TUT4: variants seen among roughly 807,000 people sequenced by gnomAD.
TUT4 encodes terminal uridylyltransferase 4.
TUT4 carries 36 observed loss-of-function variants against 192.2 expected under a neutral mutation model. That is an observed-to-expected ratio of 0.19 (90% confidence interval 0.14 to 0.25). The LOEUF is 0.25. Ranked by LOEUF, TUT4 falls within the 10% of genes least tolerant of loss-of-function variation. The pLI, the probability that TUT4 is intolerant of heterozygous loss-of-function variation, is 1.00. For synonymous variants in TUT4, 618 were observed against 666.0 expected (o/e 0.93, Z 1.11); for missense variants, 1,493 against 1,957.2 (o/e 0.76, Z 4.47).
At chr1:52,539,780 G>A (rs1012037471) in intron 1 of TUT4, among the ~76,000 whole-genome samples, 6 of 151,694 alleles carry the variant, frequency 4.0e-5, no homozygotes, top group Non-Finnish European at 5.9e-5. Flanking sequence ...GGTGGCTCAC[G>A]TCTATAATCC....
intron 24 of TUT4, among the ~76,000 whole-genome samples, chr1:52,441,444 ATTT>A (rs557710242): frequency 1.0e-4 from 12 of 119,962 alleles, no homozygotes; most frequent in African/African-American, 1.1e-4. Flanking sequence ...TCTCGGCTAA[ATTT>A]TTTTTTTTTT....
In TUT4 at chr1:52,502,608, TC is replaced by T. The variant is rs1674449079; in HGVS notation, c.1000-5426del. Among the ~76,000 whole-genome samples, 4 of 109,316 alleles carry T rather than the reference TC, an allele frequency of 3.7e-5. No individual in the cohort carries two copies. The South Asian group carries it at 1.1e-3, about 29-fold the overall frequency. 71.7% of individuals were successfully genotyped at this position (109,316 alleles called of 152,430 possible). On this transcript the variant is annotated intron_variant, in intron 4 of 29. Transcript: ENST00000257177. ...TTCATTAAGTAAGCCCTCTTAGCCCTCTTTTTTTTTTTTTTTTTTTTTTTGA... is the reference window on the plus strand; with the variant it reads ...TTCATTAAGTAAGCCCTCTTAGCCCTTTTTTTTTTTTTTTTTTTTTTTTGA...
intron 20 of TUT4, among the ~76,000 whole-genome samples, chr1:52,451,975 T>C (rs78599257): frequency 0.036 from 5,474 of 152,010 alleles, 130 homozygotes; most frequent in Non-Finnish European, 0.051. Flanking sequence ...TAGGCCTAGA[T>C]GGGTACACTG....
intron 6 of TUT4, among the ~76,000 whole-genome samples, chr1:52,494,467 G>A (rs755803820): frequency 7.9e-5 from 12 of 152,114 alleles, no homozygotes; most frequent in South Asian, 2.1e-4. Flanking sequence ...CGAGGCAGGC[G>A]GATCACCTGA....
intron 1 of TUT4, among the ~76,000 whole-genome samples, chr1:52,530,258 C>CAAA (rs11365992): frequency 2.1e-5 from 2 of 93,296 alleles, no homozygotes; most frequent in Admixed American, 1.1e-4. Flanking sequence ...GACTCCATCT[C>CAAA]AAAAAAAAAA....
At chr1:52,444,521 A>C (rs948757549) in intron 24 of TUT4, among the ~76,000 whole-genome samples, 15 of 151,958 alleles carry the variant, frequency 9.9e-5, no homozygotes, top group African/African-American at 2.9e-4. Context: ...TGTGATGGTT[A>C]ATACTGAATG....
chr1:52,544,846 C>G (rs1687652845), intron 1 of TUT4, among the ~76,000 whole-genome samples: 1 of 151,984 alleles, frequency 6.6e-6, no homozygotes, highest in African/African-American at 2.4e-5. Context: ...CACTTGAGGT[C>G]AGGAGTTCAA....
At chr1:52,515,679 G>A in intron 3 of TUT4, 1 of 637,934 alleles carries the variant, frequency 1.6e-6, no homozygotes, top group Non-Finnish European at 2.7e-6. Flanking sequence ...TGGGATGAAT[G>A]AAGTCAGACT....
chr1:52,478,367 T>G (rs1483862216), intron 11 of TUT4, among the ~76,000 whole-genome samples: 3 of 152,238 alleles, frequency 2.0e-5, no homozygotes, highest in Non-Finnish European at 4.4e-5. Context: ...AACTAATTCC[T>G]TCATTCAGCA....
intron 3 of TUT4, among the ~76,000 whole-genome samples, chr1:52,510,521 A>C (rs749012685): frequency 1.3e-5 from 2 of 152,196 alleles, no homozygotes; most frequent in African/African-American, 2.4e-5. Flanking sequence ...AAAACACTCC[A>C]ATCACAGTAT....
At position 52,525,472 on chromosome 1, in the gene TUT4, T is replaced by C. The variant is rs151311989; in HGVS notation, c.718+91A>G. ...GGAACAAAAGTGCTAAACAATTATGTATAAACATGACTTTTTGTAATTAAA... is the reference window on the plus strand; with the variant it reads ...GGAACAAAAGTGCTAAACAATTATGCATAAACATGACTTTTTGTAATTAAA... On this transcript the variant is annotated intron_variant, in intron 2 of 29. Coordinates refer to ENST00000257177, the MANE Select transcript of TUT4 (RefSeq NM_001009881.3). 233 of 1,467,920 alleles carry C rather than the reference T, an allele frequency of 1.6e-4. 1 individual carries two copies. The African/African-American group carries it at 2.8e-3, about 18-fold the overall frequency. 90.9% of individuals were successfully genotyped at this position (1,467,920 alleles called of 1,614,324 possible). A position where few individuals can be genotyped will look rare whatever the true frequency, so the allele number is the denominator to read the frequency against.
At chr1:52,451,070 C>T (rs143129440) in intron 20 of TUT4, among the ~76,000 whole-genome samples, 1,549 of 152,048 alleles carry the variant, frequency 0.01, 24 homozygotes, top group African/African-American at 0.036. Context: ...TCGAGACCAT[C>T]CTGGCTAACA....
Position 52,490,950 on chromosome 1 carries a change from G to T in TUT4, c.1319-149C>A, listed in dbSNP as rs149390093. ...TTCTCATTATGAGCACCAACCCAGC[G>T]AAATCTCTTACCTCTCCTGGTGTCA... On this transcript the variant is annotated intron_variant, in intron 7 of 29. Transcript: ENST00000257177. 7 of 662,218 alleles carry T rather than the reference G, an allele frequency of 1.1e-5. No individual in the cohort carries two copies. In the African/African-American group the frequency reaches 1.3e-4, roughly 12 times the overall value. 41.0% of individuals were successfully genotyped at this position (662,218 alleles called of 1,614,324 possible).
chr1:52,498,328 G>A (rs1168417695), intron 4 of TUT4, among the ~76,000 whole-genome samples: 3 of 144,742 alleles, frequency 2.1e-5, no homozygotes, highest in South Asian at 2.2e-4. Flanking sequence ...TGCAGGCTCC[G>A]CCCCCCCGGG....
chr1:52,489,132 T>G, intron 8 of TUT4, 97 bp from the exon 9 acceptor site: 1 of 1,297,436 alleles, frequency 7.7e-7, no homozygotes, highest in Middle Eastern at 2.0e-4. Context: ...TATCATATTG[T>G]AACATAGTAC....
At chr1:52,434,487 A>T (rs1403090237) in intron 27 of TUT4, 1 of 152,226 alleles carries the variant, frequency 6.6e-6, no homozygotes, top group African/African-American at 2.4e-5. Flanking sequence ...ATTAAGAAGT[A>T]CAAGGTGAAT....
In TUT4 at chr1:52,509,603, T is replaced by C. The variant is rs773657068; in HGVS notation, c.992A>G (p.Asn331Ser). ...TTTTTAAAAAGAACTTACCAAAATA[T>C]TTTTCTTATGTCGTTTCTCCTTTAT... ...KHIKEKRHKK[N>S]ILEKQEESEL... Residue 331 changes from asparagine to serine, a missense_variant, in exon 4 of 30, where the codon AAT becomes AGT. By Grantham distance (46) the Asn-to-Ser change is conservative. Transcript: ENST00000257177. 1 of 1,523,416 alleles carries C rather than the reference T, an allele frequency of 6.6e-7. No homozygotes were observed. Among genetic ancestry groups the C allele is most frequent in the Non-Finnish European group, 9.0e-7 (1 of 1,110,682 alleles). The allele number at this position is 1,523,416 out of a possible 1,614,324, so 94.4% of individuals were successfully genotyped here. A position where few individuals can be genotyped will look rare whatever the true frequency, so the allele number is the denominator to read the frequency against.
In TUT4 at chr1:52,449,066, TAC is replaced by T. The variant is rs144045393; in HGVS notation, c.3436-2401_3436-2400del. Reference sequence around the variant, plus strand: ...CAGAAGCACTAATGCTATACACTTTTACACACACACACACACAGACACACACA... The same window carrying T: ...CAGAAGCACTAATGCTATACACTTTTACACACACACACACAGACACACACA... On this transcript the variant is annotated intron_variant, in intron 20 of 29. Transcript: ENST00000257177. Among the ~76,000 whole-genome samples the T allele has an allele frequency of 8.2e-3, 1,234 of 150,524 alleles. 14 individuals carry two copies. Among genetic ancestry groups the T allele is most frequent in the East Asian group, 0.036 (186 of 5,124 alleles).
chr1:52,517,089 C>T (rs1040049975), intron 2 of TUT4, among the ~76,000 whole-genome samples: 6 of 152,210 alleles, frequency 3.9e-5, no homozygotes, highest in Non-Finnish European at 5.9e-5. Flanking sequence ...TGATGCTCCC[C>T]CATTAATATT....
Sources: allele counts gnomAD v4.1 joint callset (sites outside exome capture counted in the v4.1 genomes callset), GRCh38; gene constraint gnomAD v4.1.1; transcripts MANE v1.5; gene names NCBI Gene and HGNC (gene_info 2026-07-23, HGNC 2026-07-21).